Variants in PRKCE observed in about 807,000 individuals in gnomAD.
PRKCE encodes protein kinase C epsilon type.
PRKCE carries 16 observed loss-of-function variants against 85.4 expected under a neutral mutation model. That is an observed-to-expected ratio of 0.19 (90% CI 0.13 to 0.28). The LOEUF (loss-of-function observed/expected upper bound fraction) is 0.28, where lower values mean the gene tolerates loss of function less well. Among genes scored for constraint, PRKCE ranks in the 10% least tolerant of loss-of-function variants. The pLI is 1.00. For missense variants in PRKCE, 573 were observed against 975.2 expected (o/e 0.59, Z 5.49); for synonymous variants, 388 against 371.5 (o/e 1.04, Z -0.51).
chr2:45,663,924 C>G (rs1227794171), intron 1 of PRKCE, among the ~76,000 whole-genome samples: 1 of 152,156 alleles, frequency 6.6e-6, no homozygotes, highest in African/African-American at 2.4e-5. Context: ...AACAAACTAT[C>G]CAAAGAACGG....
At chr2:45,698,580 A>T (rs1469602439) in intron 1 of PRKCE, among the ~76,000 whole-genome samples, 1 of 151,746 alleles carries the variant, frequency 6.6e-6, no homozygotes, top group Non-Finnish European at 1.5e-5. Context: ...AAAAAAAAAT[A>T]TATGAAGGAA....
At chr2:45,788,125 G>A (rs1419050865) in intron 1 of PRKCE, among the ~76,000 whole-genome samples, 1 of 152,182 alleles carries the variant, frequency 6.6e-6, no homozygotes, top group Admixed American at 6.5e-5. Flanking sequence ...TCCTGCCAAA[G>A]TGTCTCCTAC....
intron 9 of PRKCE, among the ~76,000 whole-genome samples, chr2:46,008,825 G>A (rs1244922620): frequency 6.6e-6 from 1 of 152,174 alleles, no homozygotes; most frequent in African/African-American, 2.4e-5. Context: ...GAGATTCTAG[G>A]TTTTCATATA....
At chr2:46,067,012 T>C (rs145760419) in intron 10 of PRKCE, among the ~76,000 whole-genome samples, 1 of 152,326 alleles carries the variant, frequency 6.6e-6, no homozygotes, top group African/African-American at 2.4e-5. Context: ...AAAATTGTTG[T>C]CAGGTAGAAG....
At chr2:45,792,092 T>TCCAGAAG (rs1237581535) in intron 1 of PRKCE, among the ~76,000 whole-genome samples, 1 of 152,194 alleles carries the variant, frequency 6.6e-6, no homozygotes, top group Non-Finnish European at 1.5e-5. Flanking sequence ...GATGGCAAGC[T>TCCAGAAG]CCAGAAGCCT....
chr2:46,153,372 C>T (rs1029000559), intron 13 of PRKCE, among the ~76,000 whole-genome samples: 3 of 152,090 alleles, frequency 2.0e-5, no homozygotes, highest in African/African-American at 7.2e-5. Flanking sequence ...GCTGGTGATA[C>T]AAACAACACA....
chr2:45,802,958 G>A (rs1161557361), intron 1 of PRKCE, among the ~76,000 whole-genome samples: 4 of 152,164 alleles, frequency 2.6e-5, no homozygotes. Context: ...TTTTTACCGA[G>A]GAAGGCCCAA....
intron 1 of PRKCE, among the ~76,000 whole-genome samples, chr2:45,672,064 CAAAAAAA>C (rs3068989): frequency 1.0e-5 from 1 of 95,386 alleles, no homozygotes; most frequent in Non-Finnish European, 2.1e-5. Flanking sequence ...CCCCCTGTCT[CAAAAAAA>C]AAAAAAAAAA....
At chr2:46,130,115 G>A (rs1361186559) in intron 11 of PRKCE, among the ~76,000 whole-genome samples, 1 of 152,052 alleles carries the variant, frequency 6.6e-6, no homozygotes, top group Non-Finnish European at 1.5e-5. Context: ...AAGGTTTCAG[G>A]TATAATTGTT....
In PRKCE at chr2:45,984,595, T is replaced by C. The variant is rs780520480; in HGVS notation, c.738T>C (p.Gly246=). ...GCGTCAACATGCCCCACAAGTTCGG[T>C]ATCCACAACTACAAGGTCCCTACCT... ...RFSVNMPHKF[G]IHNYKVPTFC... is the part of the protein sequence containing the mutation. The change falls in exon 6 of 15, where the codon GGT becomes GGC. Residue 246 remains glycine, a synonymous_variant. Coordinates refer to ENST00000306156, the MANE Select transcript of PRKCE (RefSeq NM_005400.3). The C allele has an allele frequency of 6.3e-7, 1 of 1,599,826 alleles. No individual in the cohort carries two copies. Among genetic ancestry groups the C allele is most frequent in the South Asian group, 1.1e-5 (1 of 91,074 alleles).
intron 2 of PRKCE, among the ~76,000 whole-genome samples, chr2:45,930,973 A>G (rs1173090074): frequency 6.6e-6 from 1 of 152,138 alleles, no homozygotes; most frequent in African/African-American, 2.4e-5. Context: ...TTGGGCACAT[A>G]ATTGTGTCCC....
chr2:45,997,374 A>G (rs902533866), intron 6 of PRKCE, among the ~76,000 whole-genome samples: 1 of 152,020 alleles, frequency 6.6e-6, no homozygotes, highest in Non-Finnish European at 1.5e-5. Flanking sequence ...TAAGTAAGCT[A>G]CTTTGGTCTC....
At chr2:46,020,511 C>T (rs1706560348) in intron 10 of PRKCE, among the ~76,000 whole-genome samples, 1 of 152,078 alleles carries the variant, frequency 6.6e-6, no homozygotes, top group South Asian at 2.1e-4. Context: ...AAAATGGGCA[C>T]ATTCCTGAGA....
chr2:45,725,388 A>G (rs780173937), intron 1 of PRKCE, among the ~76,000 whole-genome samples: 5 of 152,224 alleles, frequency 3.3e-5, no homozygotes, highest in Non-Finnish European at 7.3e-5. Context: ...TGCTAATACA[A>G]CATCTATTCT....
rs138237125 is a variant in PRKCE, at chr2:45,947,702, A to G, written c.413-28727A>G. ...TAGTCCTTATAATTCTGTCAGTTTG[A>G]TATTTTGCTTAATTATTTTCCAATT... On this transcript the variant is annotated intron_variant, in intron 2 of 14. Transcript: ENST00000306156. Among the ~76,000 whole-genome samples, 735 of 152,126 alleles carry G rather than the reference A, an allele frequency of 4.8e-3. 8 individuals are homozygous for G. Among genetic ancestry groups the G allele is most frequent in the African/African-American group, 0.017 (708 of 41,472 alleles).
Position 46,151,175 on chromosome 2 carries a change from C to T in PRKCE, c.1866C>T (p.Asp622=), listed in dbSNP as rs779963411. ...ACCTATTTGAGTCCATCCTCCATGA[C>T]GACGTGCTGTACCCAGTCTGGCTCA... is the stretch of plus-strand genomic sequence containing the variant. ...EDDLFESILH[D]DVLYPVWLSK... The change falls in exon 13 of 15, where the codon GAC becomes GAT. Residue 622 remains aspartate, a synonymous_variant. Transcript: ENST00000306156. The T allele has an allele frequency of 1.0e-5, 16 of 1,599,440 alleles. No homozygotes were observed. Among genetic ancestry groups the T allele is most frequent in the Admixed American group, 8.3e-5 (5 of 59,972 alleles).
chr2:45,654,730 C>T (rs1473465818), intron 1 of PRKCE, among the ~76,000 whole-genome samples: 3 of 152,164 alleles, frequency 2.0e-5, no homozygotes, highest in African/African-American at 7.2e-5. Context: ...ATGAGTCAAG[C>T]AGTGGAGCAG....
At position 45,727,716 on chromosome 2, in the gene PRKCE, G is replaced by T. The variant is rs563525994; in HGVS notation, c.348+75268G>T. Among the ~76,000 whole-genome samples, 10 of 152,272 alleles carry T rather than the reference G, an allele frequency of 6.6e-5. No individual in the cohort carries two copies. In the South Asian group the frequency reaches 2.1e-3, roughly 32 times the overall value. Reference sequence around the variant, plus strand: ...GTCACCCAGGCTAGAGTGCAGTGGTGCGATCTCGGCTCACTGTAACCGCTG... The same window carrying T: ...GTCACCCAGGCTAGAGTGCAGTGGTTCGATCTCGGCTCACTGTAACCGCTG... On this transcript the variant is annotated intron_variant, in intron 1 of 14. Coordinates refer to ENST00000306156, the MANE Select transcript of PRKCE (RefSeq NM_005400.3).
chr2:45,967,380 C>A (rs1701802884), intron 2 of PRKCE, among the ~76,000 whole-genome samples: 1 of 152,150 alleles, frequency 6.6e-6, no homozygotes, highest in Admixed American at 6.5e-5. Flanking sequence ...GGGGGCCATC[C>A]TGGAGTGTCC....
Sources: allele counts gnomAD v4.1 joint callset (sites outside exome capture counted in the v4.1 genomes callset), GRCh38; gene constraint gnomAD v4.1.1; transcripts MANE v1.5; gene names NCBI Gene and HGNC (gene_info 2026-07-23, HGNC 2026-07-21).